Variants in ARF4 observed in about 807,000 individuals in gnomAD.
The protein encoded by ARF4 is ADP-ribosylation factor 4.
Under a neutral mutation model 24.3 loss-of-function variants are expected in ARF4, and 5 were observed. That is an observed-to-expected ratio of 0.21 (90% CI 0.11 to 0.43). The LOEUF (loss-of-function observed/expected upper bound fraction) is 0.43, where lower values mean the gene tolerates loss of function less well. Among genes scored for constraint, ARF4 ranks in the 20% least tolerant of loss-of-function variants. The pLI, the probability that ARF4 is intolerant of heterozygous loss-of-function variation, is 1.00. For missense variants in ARF4, 107 were observed against 213.0 expected (o/e 0.50, Z 3.10); for synonymous variants, 62 against 73.5 (o/e 0.84, Z 0.80).
At chr3:57,581,899 G>A (rs1251144738) in intron 3 of ARF4, among the ~76,000 whole-genome samples, 1 of 152,188 alleles carries the variant, frequency 6.6e-6, no homozygotes, top group African/African-American at 2.4e-5. Flanking sequence ...ATACATACAT[G>A]TGAGTTTATT....
chr3:57,587,481 C>T (rs916079888), intron 1 of ARF4, among the ~76,000 whole-genome samples: 1 of 151,750 alleles, frequency 6.6e-6, no homozygotes, highest in Admixed American at 6.6e-5. Flanking sequence ...TGTATGAATA[C>T]TGTATGAATA....
At chr3:57,596,547 G>T (rs2070185293) in intron 1 of ARF4, 1 of 152,836 alleles carries the variant, frequency 6.5e-6, no homozygotes. Flanking sequence ...AACCTTGGGT[G>T]CTCCCTGGCC....
intron 1 of ARF4, among the ~76,000 whole-genome samples, chr3:57,587,631 T>A (rs185790942): frequency 4.6e-5 from 7 of 152,148 alleles, no homozygotes; most frequent in African/African-American, 1.7e-4. Flanking sequence ...TCCTGATGTA[T>A]CTTTTTGAAG....
At chr3:57,581,753 T>C (rs112666470) in intron 3 of ARF4, among the ~76,000 whole-genome samples, 55 of 152,218 alleles carry the variant, frequency 3.6e-4, no homozygotes, top group Middle Eastern at 3.4e-3. Context: ...TGAGCCAAGA[T>C]TGCGCCATAG....
intron 3 of ARF4, among the ~76,000 whole-genome samples, chr3:57,581,147 A>T (rs898985493): frequency 6.6e-6 from 1 of 152,218 alleles, no homozygotes; most frequent in Non-Finnish European, 1.5e-5. Context: ...TTTACTACAC[A>T]CTGTGCCATG....
At chr3:57,596,901 G>A in intron 1 of ARF4, 173 bp downstream of exon 1, 4 of 637,254 alleles carry the variant, frequency 6.3e-6, no homozygotes, top group Non-Finnish European at 1.1e-5. Context: ...GGGGGCGGGG[G>A]GGATCGCTCA....
Position 57,579,441 on chromosome 3 carries a change from T to C in ARF4, c.259-2054A>G, listed in dbSNP as rs1270330645. Among the ~76,000 whole-genome samples, 6 of 151,694 alleles carry C rather than the reference T, an allele frequency of 4.0e-5. 1 individual carries two copies. Among genetic ancestry groups the C allele is most frequent in the South Asian group, 4.2e-4 (2 of 4,796 alleles). ...TAGCTGAGATTACAGGCGCCCACCA[T>C]TACACCTGGCTAATTTTTGTATTTT... On this transcript the variant is annotated intron_variant, in intron 3 of 5. Coordinates refer to ENST00000303436, the MANE Select transcript of ARF4 (RefSeq NM_001660.4).
At chr3:57,583,699 T>C (rs1049294682) in intron 3 of ARF4, among the ~76,000 whole-genome samples, 199 bp downstream of exon 3, 14 of 152,128 alleles carry the variant, frequency 9.2e-5, no homozygotes, top group Non-Finnish European at 1.8e-4. Context: ...CTTACCGCAA[T>C]TGCTTTACAA....
At chr3:57,574,857 T>C (rs2069884022) in intron 5 of ARF4, among the ~76,000 whole-genome samples, 1 of 150,934 alleles carries the variant, frequency 6.6e-6, no homozygotes, top group African/African-American at 2.4e-5. Flanking sequence ...CCATCTCCAC[T>C]TTTTTTTTGA....
chr3:57,591,890 G>A (rs1047064028), intron 1 of ARF4, among the ~76,000 whole-genome samples: 2 of 152,106 alleles, frequency 1.3e-5, no homozygotes, highest in Non-Finnish European at 1.5e-5. Context: ...AACAGATTAC[G>A]GGCTGGGAAG....
At chr3:57,585,723 T>G (rs2070028455) in intron 1 of ARF4, among the ~76,000 whole-genome samples, 4 of 147,968 alleles carry the variant, frequency 2.7e-5, no homozygotes. Flanking sequence ...AGTGCAATGG[T>G]GCAATATCAG....
chr3:57,582,561 T>C (rs1043149303), intron 3 of ARF4, among the ~76,000 whole-genome samples: 4 of 152,108 alleles, frequency 2.6e-5, no homozygotes, highest in Non-Finnish European at 1.5e-5. Context: ...CGTTTTTAAA[T>C]AAAAAAGTAT....
intron 1 of ARF4, among the ~76,000 whole-genome samples, chr3:57,589,314 G>GC (rs1349048016): frequency 6.6e-6 from 1 of 152,024 alleles, no homozygotes; most frequent in Non-Finnish European, 1.5e-5. Flanking sequence ...TATATTCCCA[G>GC]CTACGTGGGA....
Position 57,584,103 on chromosome 3 carries a change from TTC to T in ARF4, c.149-98_149-97del, listed in dbSNP as rs1353600973. 5 of 850,466 alleles carry T rather than the reference TTC, an allele frequency of 5.9e-6. No individual in the cohort carries two copies. In the African/African-American group the frequency reaches 7.0e-5, roughly 12 times the overall value. The allele number at this position is 850,466 out of a possible 1,614,324, so 52.7% of individuals were successfully genotyped here. A position where few individuals can be genotyped will look rare whatever the true frequency, so the allele number is the denominator to read the frequency against. On this transcript the variant is annotated intron_variant, in intron 2 of 5. Coordinates refer to ENST00000303436, the MANE Select transcript of ARF4 (RefSeq NM_001660.4). ...TCTTAGAATAGTGTTTTTAAAGTAC[TTC>T]TTTTTATTTTTAAAAAATATATTTA...
chr3:57,581,526 C>T (rs1327927119), intron 3 of ARF4, among the ~76,000 whole-genome samples: 7 of 152,152 alleles, frequency 4.6e-5, no homozygotes, highest in East Asian at 1.9e-4. Context: ...ATTGGCCAAG[C>T]GCAGTAGCTC....
intron 5 of ARF4, among the ~76,000 whole-genome samples, chr3:57,574,349 ATAATTTATCTC>A (rs1360519011): frequency 7.9e-5 from 12 of 152,134 alleles, no homozygotes; most frequent in Non-Finnish European, 1.5e-4. Flanking sequence ...TAAGTTTCTG[ATAATTTATCTC>A]CATCACTGAA....
chr3:57,581,531 T>C (rs1431430123), intron 3 of ARF4, among the ~76,000 whole-genome samples: 1 of 152,212 alleles, frequency 6.6e-6, no homozygotes, highest in Non-Finnish European at 1.5e-5. Context: ...CCAAGCGCAG[T>C]AGCTCATGCC....
intron 1 of ARF4, among the ~76,000 whole-genome samples, chr3:57,589,299 C>G (rs4682005): frequency 0.75 from 113,534 of 151,588 alleles, 44,550 homozygotes; most frequent in East Asian, 1. Flanking sequence ...AGGGTGGTGC[C>G]CATCTATATT....
intron 1 of ARF4, among the ~76,000 whole-genome samples, chr3:57,586,369 A>T (rs2070036763): frequency 6.6e-6 from 1 of 152,202 alleles, no homozygotes; most frequent in African/African-American, 2.4e-5. Context: ...TATCTCACTT[A>T]TCTAATTTAC....
Sources: allele counts gnomAD v4.1 joint callset (sites outside exome capture counted in the v4.1 genomes callset), GRCh38; gene constraint gnomAD v4.1.1; transcripts MANE v1.5; gene names NCBI Gene and HGNC (gene_info 2026-07-23, HGNC 2026-07-21).